Variants in WDR27 observed in about 807,000 individuals in gnomAD.
WDR27 encodes the protein WD repeat-containing protein 27.
Under a neutral mutation model 114.4 loss-of-function variants are expected in WDR27, and 100 were observed. The ratio of observed to expected loss-of-function variants is 0.87; its 90% CI spans 0.74 to 1.03. WDR27 has a LOEUF of 1.03. WDR27 is among the 50% of genes least tolerant of loss of function. The pLI is 0.00. For missense variants in WDR27, 1,129 were observed against 1,092.9 expected, an observed-to-expected ratio of 1.03 and a Z score of -0.47; for synonymous variants, 449 against 423.1, an observed-to-expected ratio of 1.06 and a Z score of -0.75.
At chr6:169,634,348 C>A (rs1023416532) in intron 20 of WDR27, 80 bp downstream of exon 20, 5 of 1,041,492 alleles carry the variant, frequency 4.8e-6, no homozygotes, top group Middle Eastern at 4.1e-4. Context: ...CTGACACTCA[C>A]GAGATGCTCA....
chr6:169,539,169 T>C (rs1796544772), intron 25 of WDR27, among the ~76,000 whole-genome samples: 1 of 152,180 alleles, frequency 6.6e-6, no homozygotes, highest in South Asian at 2.1e-4. Flanking sequence ...GTTGTTTCCG[T>C]CGCACAGCCC....
chr6:169,446,719 T>A, the WDR27 span, among the ~76,000 whole-genome samples: 2 of 152,220 alleles, frequency 1.3e-5, no homozygotes, highest in African/African-American at 4.8e-5. Flanking sequence ...ACATAACTCT[T>A]TTACACCAAG....
intron 2 of WDR27, among the ~76,000 whole-genome samples, chr6:169,674,771 CA>C (rs1324014062): frequency 6.6e-6 from 1 of 152,196 alleles, no homozygotes; most frequent in African/African-American, 2.4e-5. Context: ...GACCACCAAA[CA>C]GGCTTTGTGT....
At chr6:169,445,432 G>A in the WDR27 span, among the ~76,000 whole-genome samples, 1 of 152,108 alleles carries the variant, frequency 6.6e-6, no homozygotes, top group Admixed American at 6.5e-5. Flanking sequence ...CTAGCAACCA[G>A]GCTGTAAATG....
the WDR27 span, among the ~76,000 whole-genome samples, chr6:169,435,285 C>T: frequency 6.6e-6 from 1 of 152,212 alleles, no homozygotes; most frequent in African/African-American, 2.4e-5. Flanking sequence ...TAGGGCAGTG[C>T]AGAAGGGAAA....
At chr6:169,604,876 A>C (rs1482317849) in intron 22 of WDR27, among the ~76,000 whole-genome samples, 1 of 152,194 alleles carries the variant, frequency 6.6e-6, no homozygotes, top group South Asian at 2.1e-4. Context: ...ATGCAAAAAA[A>C]AGCACTTAAT....
rs1828048882 is a variant in WDR27 at position 169,667,136 on chromosome 6, C to T, written c.712G>A (p.Ala238Thr). Residue 238 changes from alanine (A) to threonine (T), a missense_variant and splice_region_variant, in exon 6 of 26, where the codon GCA (alanine) becomes ACA (threonine). Ala to Thr is a moderately conservative substitution (Grantham distance 58). Transcript: ENST00000448612. ...SLIYSSSVLS[A>T]YPLLSLFIDA... The stretch of plus-strand genomic sequence containing the variant: ...GAAAACATGAAAGTTTTAAATTTAC[C>T]TGATAACACAGATGAACTGTATATT... The T allele has an allele frequency of 6.6e-7, 1 of 1,518,700 alleles. No individual in the cohort carries two copies. Among genetic ancestry groups the T allele is most frequent in the Non-Finnish European group, 8.8e-7 (1 of 1,135,690 alleles). 94.1% of individuals were successfully genotyped at this position (1,518,700 alleles called of 1,614,324 possible). A position where few individuals can be genotyped will look rare whatever the true frequency, so the allele number is the denominator to read the frequency against.
At chr6:169,435,150 G>T in the WDR27 span, among the ~76,000 whole-genome samples, 1 of 152,296 alleles carries the variant, frequency 6.6e-6, no homozygotes, top group Non-Finnish European at 1.5e-5. Flanking sequence ...TGAACCTGAG[G>T]GTGCACAGAA....
the WDR27 span, among the ~76,000 whole-genome samples, chr6:169,443,245 G>A: frequency 6.6e-6 from 1 of 152,174 alleles, no homozygotes; most frequent in Non-Finnish European, 1.5e-5. Context: ...CGTCACCCAA[G>A]CTCAGCAGGA....
Position 169,524,278 on chromosome 6 carries a change from C to T in WDR27, c.2645+48141G>A, listed in dbSNP as rs187814819. The stretch of plus-strand genomic sequence containing the variant: ...AATATAAAACAATGATGAAAGAAAC[C>T]GAAGAGGACATTTTAAAATGGAAAG... On this transcript the variant is annotated intron_variant, in intron 25 of 25. Transcript: ENST00000448612. 1.4e-4 allele frequency among the ~76,000 whole-genome samples: 21 copies of T among 151,906 alleles called. No individual in the cohort carries two copies. The East Asian group carries it at 2.1e-3, about 15-fold the overall frequency.
rs1290013277 is a variant in WDR27, at chr6:169,632,838, T to A, written c.2223+109A>T. 8 of 1,054,502 alleles carry A rather than the reference T, an allele frequency of 7.6e-6. No homozygotes were observed. The East Asian group carries it at 2.3e-4, about 31-fold the overall frequency. The allele number at this position is 1,054,502 out of a possible 1,614,324, so 65.3% of individuals were successfully genotyped here. A position where few individuals can be genotyped will look rare whatever the true frequency, so the allele number is the denominator to read the frequency against. The stretch of plus-strand genomic sequence containing the variant: ...ATTTAATGATCAATAAAAATTAACA[T>A]TGAATTTGGTAGCAAACACTTATAA... On this transcript the variant is annotated intron_variant, in intron 21 of 25. Coordinates refer to ENST00000448612, the MANE Select transcript of WDR27 (RefSeq NM_182552.5).
In WDR27 at chr6:169,477,146, T is replaced by C. The variant is rs376363944; in HGVS notation, c.2646-19512A>G. Among the ~76,000 whole-genome samples the C allele has an allele frequency of 8.5e-5, 13 of 152,368 alleles. No individual in the cohort carries two copies. In the East Asian group the frequency reaches 2.3e-3, roughly 27 times the overall value. Reference sequence around the variant, plus strand: ...GTATCAAAGTAGTGAATCAAGTCATTAGATTTTCTGATGCTTAGCTGACCT... The same window carrying C: ...GTATCAAAGTAGTGAATCAAGTCATCAGATTTTCTGATGCTTAGCTGACCT... On this transcript the variant is annotated intron_variant, in intron 25 of 25. Transcript: ENST00000448612.
intron 25 of WDR27, among the ~76,000 whole-genome samples, chr6:169,562,843 C>T (rs1206626290): frequency 6.6e-6 from 1 of 152,128 alleles, no homozygotes; most frequent in African/African-American, 2.4e-5. Flanking sequence ...AGAGGATGAG[C>T]TTGCAGGAGG....
intron 25 of WDR27, among the ~76,000 whole-genome samples, chr6:169,510,017 A>G (rs1185301030): frequency 3.3e-5 from 5 of 152,228 alleles, no homozygotes; most frequent in Admixed American, 6.5e-5. Flanking sequence ...GCAGCCAAAA[A>G]ACACATGAAA....
In WDR27 at chr6:169,641,416, G is replaced by A. The variant is rs1413694458; in HGVS notation, c.1747+2281C>T. 3.3e-5 allele frequency among the ~76,000 whole-genome samples: 5 copies of A among 152,292 alleles called. No homozygotes were observed. In the East Asian group the frequency reaches 9.7e-4, roughly 30 times the overall value. ...CCACGATCTCCTCACGGTACGGAAGGCCTCCCTCCTCTTTTCAGTTGGCCA... is the reference window on the plus strand; with the variant it reads ...CCACGATCTCCTCACGGTACGGAAGACCTCCCTCCTCTTTTCAGTTGGCCA... On this transcript the variant is annotated intron_variant, in intron 17 of 25. Coordinates refer to ENST00000448612, the MANE Select transcript of WDR27 (RefSeq NM_182552.5).
chr6:169,665,339 A>G, intron 7 of WDR27, 147 bp downstream of exon 7: 1 of 1,418,272 alleles, frequency 7.1e-7, no homozygotes, highest in Non-Finnish European at 9.2e-7. Context: ...GCTGAGACCC[A>G]CAGAAGGTCA....
rs138196343 is a variant in WDR27 at position 169,464,158 on chromosome 6, C to T, written c.2646-6524G>A. ...TAATACATATCTTCAATAATCAAAA[C>T]AAGATGTCACTGGCATAAAGATCGA... On this transcript the variant is annotated intron_variant, in intron 25 of 25. Coordinates refer to ENST00000448612, the MANE Select transcript of WDR27 (RefSeq NM_182552.5). 2.7e-3 allele frequency among the ~76,000 whole-genome samples: 415 copies of T among 152,266 alleles called. 2 individuals carry two copies. Among genetic ancestry groups the T allele is most frequent in the African/African-American group, 7.9e-3 (328 of 41,548 alleles).
chr6:169,443,235 C>T, the WDR27 span, among the ~76,000 whole-genome samples: 286 of 152,274 alleles, frequency 1.9e-3, 1 homozygote, highest in Non-Finnish European at 5.6e-4. Flanking sequence ...CAACACGTGC[C>T]GTCACCCAAG....
At chr6:169,559,593 T>C (rs1799388802) in intron 25 of WDR27, 2 of 152,236 alleles carry the variant, frequency 1.3e-5, no homozygotes, top group Non-Finnish European at 2.9e-5. Flanking sequence ...GATTTGGAAC[T>C]GAGTTCTAGT....
Sources: allele counts gnomAD v4.1 joint callset (sites outside exome capture counted in the v4.1 genomes callset), GRCh38; gene constraint gnomAD v4.1.1; transcripts MANE v1.5; gene names NCBI Gene and HGNC (gene_info 2026-07-23, HGNC 2026-07-21).